The following ATRNL1 variants were observed in gnomAD, a reference collection of about 807,000 sequenced individuals.
The protein encoded by ATRNL1 is attractin-like protein 1.
Under a neutral mutation model 182.7 loss-of-function variants are expected in ATRNL1, and 95 were observed. The ratio of observed to expected loss-of-function variants is 0.52; its 90% CI spans 0.44 to 0.62. The LOEUF is 0.62. ATRNL1 is among the 20% of genes least tolerant of loss of function. The pLI is 0.00. For synonymous variants in ATRNL1, 576 were observed against 568.3 expected (o/e 1.01, Z -0.19); for missense variants, 1,471 against 1,679.5 (o/e 0.88, Z 2.17).
chr10:115,521,058 A>T (rs1416824754), intron 25 of ATRNL1, among the ~76,000 whole-genome samples: 2 of 152,216 alleles, frequency 1.3e-5, no homozygotes, highest in African/African-American at 4.8e-5. Flanking sequence ...TTTTAAGGCT[A>T]TTAACAAAGT....
chr10:115,160,888 TCAAA>T (rs1258846133), intron 6 of ATRNL1, among the ~76,000 whole-genome samples: 1 of 152,030 alleles, frequency 6.6e-6, no homozygotes, highest in East Asian at 1.9e-4. Flanking sequence ...AGCTTGGGCA[TCAAA>T]CAATCAGAAC....
At chr10:115,261,918 A>T (rs1851409162) in intron 10 of ATRNL1, among the ~76,000 whole-genome samples, 1 of 152,064 alleles carries the variant, frequency 6.6e-6, no homozygotes, top group Admixed American at 6.6e-5. Flanking sequence ...CTCTAAACAA[A>T]ATTATAATAT....
At chr10:115,335,568 G>A (rs924273613) in intron 19 of ATRNL1, among the ~76,000 whole-genome samples, 1 of 152,162 alleles carries the variant, frequency 6.6e-6, no homozygotes, top group African/African-American at 2.4e-5. Flanking sequence ...CAACATTTGA[G>A]TCAACAAAAT....
chr10:115,848,520 T>C (rs1428935945), intron 28 of ATRNL1, among the ~76,000 whole-genome samples: 2 of 152,138 alleles, frequency 1.3e-5, no homozygotes, highest in African/African-American at 2.4e-5. Flanking sequence ...CTGGAGTTCA[T>C]GGACCAGGGA....
chr10:115,675,570 A>C (rs1262617666), intron 26 of ATRNL1, among the ~76,000 whole-genome samples: 3 of 152,048 alleles, frequency 2.0e-5, no homozygotes, highest in African/African-American at 7.2e-5. Flanking sequence ...CTTTTAACAG[A>C]TATTTCTCTA....
chr10:115,312,939 C>T (rs2134007736), intron 17 of ATRNL1, among the ~76,000 whole-genome samples: 1 of 152,156 alleles, frequency 6.6e-6, no homozygotes, highest in East Asian at 1.9e-4. Flanking sequence ...TATCCACTTG[C>T]ATTTTGCAAT....
intron 20 of ATRNL1, among the ~76,000 whole-genome samples, chr10:115,398,131 A>G (rs1017512372): frequency 1.3e-5 from 2 of 151,944 alleles, no homozygotes; most frequent in Non-Finnish European, 2.9e-5. Context: ...TGTGGCTGCC[A>G]TTCCCTTCCA....
chr10:115,381,962 C>T (rs959074781), intron 19 of ATRNL1, among the ~76,000 whole-genome samples: 5 of 151,946 alleles, frequency 3.3e-5, no homozygotes, highest in Non-Finnish European at 7.4e-5. Context: ...GGCTGTTCTT[C>T]CCCCATTTAC....
intron 27 of ATRNL1, among the ~76,000 whole-genome samples, chr10:115,742,869 A>G (rs1425635999): frequency 6.6e-6 from 1 of 152,172 alleles, no homozygotes; most frequent in African/African-American, 2.4e-5. Flanking sequence ...CACTGCTAAT[A>G]AAGACATACC....
chr10:115,862,756 T>C (rs1951344577), intron 28 of ATRNL1, among the ~76,000 whole-genome samples: 1 of 152,204 alleles, frequency 6.6e-6, no homozygotes, highest in Admixed American at 6.5e-5. Context: ...GAGTTATTTA[T>C]TTTAGTACTT....
intron 13 of ATRNL1, among the ~76,000 whole-genome samples, chr10:115,278,032 G>A (rs1852182443): frequency 6.6e-6 from 1 of 152,046 alleles, no homozygotes; most frequent in Non-Finnish European, 1.5e-5. Context: ...ATATTGTATT[G>A]GGTTTTGATA....
intron 13 of ATRNL1, among the ~76,000 whole-genome samples, chr10:115,280,127 A>G (rs1267002651): frequency 6.6e-6 from 1 of 152,182 alleles, no homozygotes; most frequent in African/African-American, 2.4e-5. Context: ...TGTAACTGCA[A>G]ATCCCTCATA....
chr10:115,705,420 C>T (rs1946866563), intron 26 of ATRNL1, among the ~76,000 whole-genome samples: 1 of 151,946 alleles, frequency 6.6e-6, no homozygotes, highest in Non-Finnish European at 1.5e-5. Context: ...TATTACTTCT[C>T]AGACCAGTGA....
chr10:115,803,719 T>C (rs1040341496), intron 27 of ATRNL1, among the ~76,000 whole-genome samples: 1 of 152,174 alleles, frequency 6.6e-6, no homozygotes, highest in Non-Finnish European at 1.5e-5. Flanking sequence ...CCATGTTTTT[T>C]TCTTTTATGG....
intron 21 of ATRNL1, among the ~76,000 whole-genome samples, chr10:115,432,553 C>A (rs1846221282): frequency 6.6e-6 from 1 of 152,126 alleles, no homozygotes; most frequent in Non-Finnish European, 1.5e-5. Context: ...CAAGTCCACA[C>A]TGTAACTTAA....
At chr10:115,905,032 G>A (rs1234686610) in intron 28 of ATRNL1, among the ~76,000 whole-genome samples, 1 of 152,094 alleles carries the variant, frequency 6.6e-6, no homozygotes, top group Non-Finnish European at 1.5e-5. Context: ...TACAGCTGAA[G>A]TCTGAAAGAG....
At chr10:115,547,281 T>TATATATATATATATAA (rs1421962447) in intron 25 of ATRNL1, among the ~76,000 whole-genome samples, 2 of 138,514 alleles carry the variant, frequency 1.4e-5, no homozygotes, top group African/African-American at 6.3e-5. Flanking sequence ...TATATATATA[T>TATATATATATATATAA]AAATATATAT....
At chr10:115,431,065 C>T (rs1846136817) in intron 21 of ATRNL1, among the ~76,000 whole-genome samples, 1 of 152,120 alleles carries the variant, frequency 6.6e-6, no homozygotes, top group South Asian at 2.1e-4. Flanking sequence ...ATGTTCTTGG[C>T]ACACACTGAC....
chr10:115,139,869 C>T (rs1234417626), intron 5 of ATRNL1, among the ~76,000 whole-genome samples: 1 of 152,192 alleles, frequency 6.6e-6, no homozygotes, highest in Non-Finnish European at 1.5e-5. Flanking sequence ...TTGCTTCACT[C>T]AACCTGTTCT....
Sources: gnomAD v4.1 joint callset for allele counts (sites outside exome capture counted in the v4.1 genomes callset) on GRCh38, gnomAD v4.1.1 for gene constraint, MANE v1.5 for transcripts, NCBI Gene and HGNC (gene_info 2026-07-23, HGNC 2026-07-21) for gene names.